The following SNTB2 variants were observed in gnomAD, a reference collection of about 807,000 sequenced individuals.
SNTB2 encodes the protein syntrophin beta 2.
SNTB2 carries 34 observed loss-of-function variants against 46.2 expected under a neutral mutation model. The observed-to-expected ratio is 0.74, with a 90% CI of 0.56 to 0.98. The LOEUF (loss-of-function observed/expected upper bound fraction) is 0.98, where lower values mean the gene tolerates loss of function less well. Among genes scored for constraint, SNTB2 ranks in the 50% least tolerant of loss-of-function variants. The pLI, the probability that SNTB2 is intolerant of heterozygous loss-of-function variation, is 0.00. For synonymous variants in SNTB2, 290 were observed against 312.6 expected (o/e 0.93, Z 0.76); for missense variants, 603 against 731.4 (o/e 0.82, Z 2.02).
intron 1 of SNTB2, among the ~76,000 whole-genome samples, chr16:69,205,109 G>T (rs1257439870): frequency 2.0e-5 from 3 of 151,398 alleles, no homozygotes; most frequent in African/African-American, 7.3e-5. Flanking sequence ...TGTACTTTGT[G>T]TACAGTTGCC....
intron 1 of SNTB2, among the ~76,000 whole-genome samples, chr16:69,227,471 T>C (rs1481602932): frequency 6.6e-6 from 1 of 152,196 alleles, no homozygotes; most frequent in Non-Finnish European, 1.5e-5. Context: ...TGGGTGTAAC[T>C]GGAAAAAGAC....
At chr16:69,222,694 C>T (rs1230349640) in intron 1 of SNTB2, among the ~76,000 whole-genome samples, 1 of 151,660 alleles carries the variant, frequency 6.6e-6, no homozygotes, top group Non-Finnish European at 1.5e-5. Context: ...AATACATAGA[C>T]AAAAAGACTA....
At chr16:69,279,715 A>G (rs1965020468) in intron 4 of SNTB2, among the ~76,000 whole-genome samples, 1 of 150,328 alleles carries the variant, frequency 6.7e-6, no homozygotes, top group African/African-American at 2.4e-5. Flanking sequence ...TTTTTAATAG[A>G]GACGGGGTTT....
intron 1 of SNTB2, among the ~76,000 whole-genome samples, chr16:69,197,022 T>A (rs1231426968): frequency 6.6e-6 from 1 of 152,160 alleles, no homozygotes; most frequent in Non-Finnish European, 1.5e-5. Flanking sequence ...TTCCTCATTT[T>A]TTTTTTTCAT....
intron 3 of SNTB2, 82 bp downstream of exon 3, chr16:69,260,342 T>TTA: frequency 7.8e-7 from 1 of 1,288,854 alleles, no homozygotes; most frequent in Non-Finnish European, 1.1e-6. Flanking sequence ...TCTGTAATAC[T>TTA]TACCATGCAG....
chr16:69,239,535 T>TTTTATTTA (rs555668864), intron 1 of SNTB2, among the ~76,000 whole-genome samples: 3 of 151,726 alleles, frequency 2.0e-5, no homozygotes, highest in Admixed American at 1.3e-4. Context: ...CTGAATTTAT[T>TTTTATTTA]TTTATTTATT....
intron 1 of SNTB2, among the ~76,000 whole-genome samples, chr16:69,199,386 CATTTTA>C (rs1398165532): frequency 6.6e-6 from 1 of 151,998 alleles, no homozygotes; most frequent in East Asian, 1.9e-4. Flanking sequence ...TTCCACCTTT[CATTTTA>C]ACTAGCAGCT....
chr16:69,198,265 C>T (rs1265336042), intron 1 of SNTB2, among the ~76,000 whole-genome samples: 4 of 152,056 alleles, frequency 2.6e-5, no homozygotes, highest in African/African-American at 7.2e-5. Flanking sequence ...TACACCACCA[C>T]GCCCAGCTAG....
rs1352006954 is a variant in SNTB2 at position 69,304,134 on chromosome 16, A to G, written c.*3210A>G. On this transcript the variant is annotated 3_prime_UTR_variant, in exon 7 of 7. Transcript: ENST00000336278. ...CCATAAAAAGAAAAGGAAAGGAACA[A>G]AAGAAAAACATTCAGTTTTTCTTTT... is the stretch of plus-strand genomic sequence containing the variant. The G allele has an allele frequency of 2.0e-5, 3 of 152,236 alleles. No individual in the cohort carries two copies. Among genetic ancestry groups the G allele is most frequent in the Non-Finnish European group, 4.4e-5 (3 of 68,044 alleles). The allele number at this position is 152,236 out of a possible 1,614,324, so 9.4% of individuals were successfully genotyped here.
intron 1 of SNTB2, among the ~76,000 whole-genome samples, chr16:69,192,513 A>G (rs1022720977): frequency 5.9e-5 from 9 of 152,170 alleles, no homozygotes; most frequent in African/African-American, 1.9e-4. Context: ...GCGAAGAAAA[A>G]TTTTAGTTTA....
Position 69,306,423 on chromosome 16 carries a change from T to C in SNTB2, c.*5499T>C, listed in dbSNP as rs1364721447. On this transcript the variant is annotated 3_prime_UTR_variant, in exon 7 of 7. Transcript: ENST00000336278. Reference sequence around the variant, plus strand: ...TGGGTGACTGAACTGATGCTTATTCTAGTTTTAGAAGAGGATCCACATTTA... The same window carrying C: ...TGGGTGACTGAACTGATGCTTATTCCAGTTTTAGAAGAGGATCCACATTTA... 1 of 152,252 alleles carries C rather than the reference T, an allele frequency of 6.6e-6. No homozygotes were observed. The highest frequency in any genetic ancestry group is 1.5e-5 in the Non-Finnish European group (1 of 68,044). 9.4% of individuals were successfully genotyped at this position (152,252 alleles called of 1,614,324 possible).
chr16:69,260,680 C>T (rs1305282459), intron 3 of SNTB2, among the ~76,000 whole-genome samples: 6 of 152,170 alleles, frequency 3.9e-5, no homozygotes, highest in African/African-American at 1.4e-4. Context: ...GACTGCGTTT[C>T]AGTAAAACTT....
intron 1 of SNTB2, among the ~76,000 whole-genome samples, chr16:69,243,184 G>C: frequency 6.6e-6 from 1 of 152,130 alleles, no homozygotes; most frequent in Non-Finnish European, 1.5e-5. Flanking sequence ...ATATGTTGTG[G>C]ATTCTGAGTT....
intron 1 of SNTB2, among the ~76,000 whole-genome samples, chr16:69,208,991 T>TGTGTGTGTGTGTGTGTGTGTG (rs1567397568): frequency 6.6e-6 from 1 of 150,844 alleles, no homozygotes; most frequent in African/African-American, 2.5e-5. Context: ...TGTGTGTGTG[T>TGTGTGTGTGTGTGTGTGTGTG]TTTTGAGATG....
At chr16:69,205,038 A>G (rs1433268065) in intron 1 of SNTB2, among the ~76,000 whole-genome samples, 1 of 152,190 alleles carries the variant, frequency 6.6e-6, no homozygotes, top group Non-Finnish European at 1.5e-5. Context: ...TCCTTAGCAA[A>G]CAAGAGTCCT....
At chr16:69,254,827 T>C (rs2143071967) in intron 2 of SNTB2, among the ~76,000 whole-genome samples, 1 of 152,112 alleles carries the variant, frequency 6.6e-6, no homozygotes. Flanking sequence ...AAATTTTTTT[T>C]TAAAGTAGTT....
chr16:69,273,521 A>G (rs1964957581), intron 4 of SNTB2, among the ~76,000 whole-genome samples: 2 of 152,228 alleles, frequency 1.3e-5, no homozygotes, highest in African/African-American at 4.8e-5. Context: ...AAAGTTCAGG[A>G]TAGGCAAACC....
intron 1 of SNTB2, among the ~76,000 whole-genome samples, chr16:69,190,826 C>T (rs1465309446): frequency 6.6e-6 from 1 of 152,098 alleles, no homozygotes; most frequent in African/African-American, 2.4e-5. Flanking sequence ...CTAAGTAAAC[C>T]TTAGTTTCCT....
chr16:69,227,062 T>A (rs1013117010), intron 1 of SNTB2, among the ~76,000 whole-genome samples: 1 of 152,200 alleles, frequency 6.6e-6, no homozygotes, highest in Non-Finnish European at 1.5e-5. Context: ...AAGCACATAG[T>A]GGGGCTGACC....
Sources: allele counts gnomAD v4.1 joint callset (sites outside exome capture counted in the v4.1 genomes callset), GRCh38; gene constraint gnomAD v4.1.1; transcripts MANE v1.5; gene names NCBI Gene and HGNC (gene_info 2026-07-23, HGNC 2026-07-21).